The following CDH3 variants were observed in gnomAD, a reference collection of about 807,000 sequenced individuals.
The protein encoded by CDH3 is cadherin-3.
A neutral mutation model predicts 82.0 loss-of-function variants in CDH3; 54 were observed. The ratio of observed to expected loss-of-function variants is 0.66; its 90% confidence interval spans 0.53 to 0.83. The LOEUF (loss-of-function observed/expected upper bound fraction) is 0.83, where lower values mean the gene tolerates loss of function less well. Ranked by LOEUF, CDH3 falls within the 40% of genes least tolerant of loss-of-function variation. The probability of loss-of-function intolerance (pLI) is 0.00; values close to 1 mark genes in which losing one functional copy is unlikely to be tolerated. For missense variants in CDH3, 1,054 were observed against 1,084.6 expected (o/e 0.97, Z 0.40); for synonymous variants, 446 against 437.9 (o/e 1.02, Z -0.23).
chr16:68,687,477 C>T, intron 11 of CDH3, 35 bp from the exon 12 acceptor site: 1 of 1,574,938 alleles, frequency 6.3e-7, no homozygotes, highest in Non-Finnish European at 8.7e-7. Context: ...CTGGGTGGGT[C>T]ACAGGGAGCT....
At chr16:68,657,934 C>T (rs753386219) in intron 2 of CDH3, among the ~76,000 whole-genome samples, 3 of 152,124 alleles carry the variant, frequency 2.0e-5, no homozygotes, top group Admixed American at 1.3e-4. Flanking sequence ...GTCTCACATT[C>T]GCTTTAGGAA....
intron 2 of CDH3, among the ~76,000 whole-genome samples, chr16:68,724,626 AT>A (rs1262513547): frequency 7.7e-5 from 4 of 52,274 alleles, no homozygotes; most frequent in Admixed American, 1.9e-4. Context: ...AGACCCTATT[AT>A]TTAAAAAAAA....
At position 68,680,955 on chromosome 16, in the gene CDH3, C is replaced by T; in HGVS notation, c.868-13C>T. 6.2e-7 allele frequency: 1 copy of T among 1,614,058 alleles called. No homozygotes were observed. Among genetic ancestry groups the T allele is most frequent in the Non-Finnish European group, 8.5e-7 (1 of 1,179,980 alleles). On this transcript the variant is annotated splice_polypyrimidine_tract_variant and intron_variant, in intron 7 of 15. Transcript: ENST00000264012. The stretch of plus-strand genomic sequence containing the variant: ...TAAACTCACAATGGGCTTCCCCTCT[C>T]CTTTCTCCCCAGAAAGTCCCTGAGT...
At chr16:68,713,052 C>T (rs1468601433) in intron 1 of CDH3, among the ~76,000 whole-genome samples, 1 of 152,230 alleles carries the variant, frequency 6.6e-6, no homozygotes, top group East Asian at 1.9e-4. Flanking sequence ...GTCTCCCCTC[C>T]TCCTGTGATC....
intron 9 of CDH3, among the ~76,000 whole-genome samples, chr16:68,682,688 G>A (rs544231965): frequency 1.1e-4 from 16 of 152,260 alleles, no homozygotes; most frequent in Admixed American, 5.2e-4. Context: ...TTCATAAATA[G>A]GTAAGAGTCA....
In CDH3 at chr16:68,651,649, T is replaced by C. The variant is rs1597789543; in HGVS notation, c.160+5899T>C. The C allele has an allele frequency of 1.0e-5, 5 of 483,072 alleles. 1 individual carries two copies. The highest frequency in any genetic ancestry group is 2.1e-5 in the Non-Finnish European group (5 of 243,306). The allele number at this position is 483,072 out of a possible 1,614,324, so 29.9% of individuals were successfully genotyped here. On this transcript the variant is annotated intron_variant, in intron 2 of 15. Transcript: ENST00000264012. ...AGGTTACTGGCCTCAAACAGGTCCA[T>C]GGGGTTCATGCCATAGCTGACTATG...
chr16:68,654,436 C>T (rs1293021244), intron 2 of CDH3, among the ~76,000 whole-genome samples: 1 of 103,472 alleles, frequency 9.7e-6, no homozygotes, highest in Non-Finnish European at 1.8e-5. Flanking sequence ...GGTGCGTTGG[C>T]TCACGCCTGT....
In CDH3 at chr16:68,684,716, T is replaced by C; in HGVS notation, c.1316T>C (p.Val439Ala). The C allele has an allele frequency of 6.2e-7, 1 of 1,614,160 alleles. No individual in the cohort carries two copies. The highest frequency in any genetic ancestry group is 8.5e-7 in the Non-Finnish European group (1 of 1,180,040). The change falls in exon 10 of 16, where the codon GTG becomes GCG. Residue 439 changes from valine to alanine, a missense_variant. Physicochemically the swap from Val to Ala is moderately conservative, Grantham distance 64 (BLOSUM62 0). Transcript: ENST00000264012. Reference sequence around the variant, plus strand: ...GTGGAGGATGTGAATGAGGCACCTGTGTTTGTCCCACCCTCCAAAGTCGTT... The same window carrying C: ...GTGGAGGATGTGAATGAGGCACCTGCGTTTGTCCCACCCTCCAAAGTCGTT... Reference protein sequence around the residue: ...VHVEDVNEAPVFVPPSKVVEV... With the variant: ...VHVEDVNEAPAFVPPSKVVEV...
intron 9 of CDH3, 25 bp downstream of exon 9, chr16:68,682,512 A>G (rs1961261920): frequency 1.2e-6 from 2 of 1,610,194 alleles, no homozygotes; most frequent in South Asian, 1.1e-5. Context: ...GCCTCAGACA[A>G]TGGCTATACC....
Position 68,695,821 on chromosome 16 carries a change from G to C in CDH3, c.2178G>C (p.Pro726=), listed in dbSNP as rs398123626. The C allele has an allele frequency of 6.2e-7, 1 of 1,613,964 alleles. No homozygotes were observed. Among genetic ancestry groups the C allele is most frequent in the East Asian group, 2.2e-5 (1 of 44,888 alleles). ...TQLHRGLEAR[P]EVVLRNDVAP... is the part of the protein sequence containing the mutation. ...TCCACCGAGGTCTGGAGGCCAGGCC[G>C]GAGGTGGTTCTCCGCAATGACGTGG... The change falls in exon 15 of 16, where the codon CCG becomes CCC. Residue 726 remains proline (P), a synonymous_variant. Transcript: ENST00000264012.
chr16:68,648,899 A>G (rs974594768), intron 2 of CDH3, among the ~76,000 whole-genome samples: 3 of 141,154 alleles, frequency 2.1e-5, no homozygotes, highest in African/African-American at 8.1e-5. Context: ...AGGATTTTCC[A>G]GAAACATTGA....
At chr16:68,733,522 C>T in the CDH3 span, among the ~76,000 whole-genome samples, 2 of 152,270 alleles carry the variant, frequency 1.3e-5, no homozygotes, top group South Asian at 4.1e-4. Context: ...GTAGGTGGAT[C>T]ACTTGAGGTC....
intron 2 of CDH3, among the ~76,000 whole-genome samples, chr16:68,724,461 AT>A (rs1443580357): frequency 6.6e-6 from 1 of 151,838 alleles, no homozygotes; most frequent in African/African-American, 2.4e-5. Flanking sequence ...TGTACAGAAA[AT>A]AAAAAATTAA....
intron 1 of CDH3, among the ~76,000 whole-genome samples, chr16:68,718,497 T>C (rs527393150): frequency 6.6e-6 from 1 of 151,860 alleles, no homozygotes; most frequent in Non-Finnish European, 1.5e-5. Flanking sequence ...CTGGCCAAGA[T>C]GTCAAAAACC....
chr16:68,664,928 G>T (rs1687552866), intron 2 of CDH3, among the ~76,000 whole-genome samples: 1 of 152,040 alleles, frequency 6.6e-6, no homozygotes, highest in Non-Finnish European at 1.5e-5. Context: ...AGAATTACAG[G>T]CATGAGCCAC....
At chr16:68,665,179 C>T (rs12929807) in intron 2 of CDH3, among the ~76,000 whole-genome samples, 52,470 of 151,568 alleles carry the variant, frequency 0.35, 10,001 homozygotes, top group East Asian at 0.63. Flanking sequence ...GAGGCTGAGG[C>T]GGGCAGATCA....
intron 2 of CDH3, among the ~76,000 whole-genome samples, chr16:68,650,101 C>A (rs1282117333): frequency 2.0e-5 from 3 of 151,930 alleles, no homozygotes; most frequent in African/African-American, 7.2e-5. Context: ...TCAGGTTTAG[C>A]CCCAACAACT....
intron 2 of CDH3, among the ~76,000 whole-genome samples, chr16:68,722,955 G>T (rs1037716387): frequency 4.0e-5 from 6 of 151,786 alleles, no homozygotes; most frequent in Admixed American, 6.6e-5. Context: ...CACCAGGCCC[G>T]GCTAATTTTT....
chr16:68,676,922 A>G (rs1257746030), intron 3 of CDH3, among the ~76,000 whole-genome samples: 1 of 152,198 alleles, frequency 6.6e-6, no homozygotes, highest in Admixed American at 6.5e-5. Context: ...TTCAAAAATA[A>G]AAAATAATAA....
Sources: allele counts gnomAD v4.1 joint callset (sites outside exome capture counted in the v4.1 genomes callset), GRCh38; gene constraint gnomAD v4.1.1; transcripts MANE v1.5; gene names NCBI Gene and HGNC (gene_info 2026-07-23, HGNC 2026-07-21).